The following XXYLT1 variants were observed in gnomAD, a reference collection of about 807,000 sequenced individuals.
The protein encoded by XXYLT1 is UDP-xylose:alpha-xyloside alpha-1,3-xylosyltransferase.
XXYLT1 carries 20 observed loss-of-function variants against 28.9 expected under a neutral mutation model. The ratio of observed to expected loss-of-function variants is 0.69; its 90% CI spans 0.49 to 1.00. The LOEUF (loss-of-function observed/expected upper bound fraction) is 1.00. Ranked by LOEUF, XXYLT1 falls within the 50% of genes least tolerant of loss-of-function variation. The pLI is 0.00. For synonymous variants in XXYLT1, 257 were observed against 253.8 expected (o/e 1.01, Z -0.12); for missense variants, 542 against 560.1 (o/e 0.97, Z 0.33).
chr3:195,254,103 CCCA>C, intron 1 of XXYLT1, among the ~76,000 whole-genome samples: 1 of 152,328 alleles, frequency 6.6e-6, no homozygotes, highest in East Asian at 1.9e-4. Context: ...CCCAAAGACC[CCCA>C]TAAATCAGGC....
intron 3 of XXYLT1, among the ~76,000 whole-genome samples, chr3:195,074,209 G>A (rs543219094): frequency 6.6e-6 from 1 of 152,376 alleles, no homozygotes; most frequent in South Asian, 2.1e-4. Context: ...TCTGCAGGAA[G>A]GTTCTAGAAG....
At chr3:195,259,665 G>A (rs916418794) in intron 1 of XXYLT1, 5 of 984,970 alleles carry the variant, frequency 5.1e-6, no homozygotes, top group Non-Finnish European at 6.0e-6. Flanking sequence ...CCGCAATTAA[G>A]GACGCCGGGC....
At chr3:195,265,041 G>C (rs143253299) in intron 1 of XXYLT1, among the ~76,000 whole-genome samples, 1 of 151,684 alleles carries the variant, frequency 6.6e-6, no homozygotes, top group African/African-American at 2.4e-5. Context: ...TAGCCTGCGC[G>C]GCAGACAGAA....
chr3:195,097,345 T>C (rs1228417323), intron 3 of XXYLT1, among the ~76,000 whole-genome samples: 1 of 152,244 alleles, frequency 6.6e-6, no homozygotes, highest in Non-Finnish European at 1.5e-5. Context: ...TCACTAAACT[T>C]TGTGACGCGG....
chr3:195,244,116 ACGTT>A (rs1185718949), intron 1 of XXYLT1, among the ~76,000 whole-genome samples: 1 of 152,154 alleles, frequency 6.6e-6, no homozygotes, highest in African/African-American at 2.4e-5. Flanking sequence ...CCTGCAATGA[ACGTT>A]CTAGGACTCC....
Position 195,099,601 on chromosome 3 carries a change from C to T in XXYLT1, c.786-29490G>A, listed in dbSNP as rs530134904. Among the ~76,000 whole-genome samples the T allele has an allele frequency of 5.9e-5, 9 of 152,122 alleles. No homozygotes were observed. In the East Asian group the frequency reaches 1.4e-3, roughly 23 times the overall value. Reference sequence around the variant, plus strand: ...ATTCCAGCACTTTGGGAGGCCGAGGCGGGTGGATTACGAGGTCAGAAGATC... The same window carrying T: ...ATTCCAGCACTTTGGGAGGCCGAGGTGGGTGGATTACGAGGTCAGAAGATC... On this transcript the variant is annotated intron_variant, in intron 3 of 3. Coordinates refer to ENST00000310380, the MANE Select transcript of XXYLT1 (RefSeq NM_152531.5).
At chr3:195,112,152 G>T (rs1434983699) in intron 3 of XXYLT1, among the ~76,000 whole-genome samples, 1 of 152,176 alleles carries the variant, frequency 6.6e-6, no homozygotes, top group South Asian at 2.1e-4. Flanking sequence ...ATTTCTAGCC[G>T]TCAGGAGGGC....
intron 3 of XXYLT1, among the ~76,000 whole-genome samples, chr3:195,155,417 C>T (rs946013348): frequency 5.9e-5 from 9 of 152,210 alleles, no homozygotes; most frequent in African/African-American, 2.2e-4. Flanking sequence ...GGCAGCTCTG[C>T]TCTGGGTGTG....
At chr3:195,191,268 T>A (rs556851424) in intron 2 of XXYLT1, among the ~76,000 whole-genome samples, 3 of 152,148 alleles carry the variant, frequency 2.0e-5, no homozygotes, top group Non-Finnish European at 4.4e-5. Flanking sequence ...CTGCCACCCC[T>A]CAGAAAGAAG....
chr3:195,109,742 T>TGTG (rs1717388403), intron 3 of XXYLT1, among the ~76,000 whole-genome samples: 1 of 73,902 alleles, frequency 1.4e-5, no homozygotes, highest in African/African-American at 4.1e-5. Context: ...GGTGTATGTG[T>TGTG]TCAGGTATGT....
chr3:195,188,082 G>A (rs919888190), intron 2 of XXYLT1, among the ~76,000 whole-genome samples: 1 of 152,202 alleles, frequency 6.6e-6, no homozygotes, highest in African/African-American at 2.4e-5. Context: ...CTCTGGAGAA[G>A]GACTCATCCC....
intron 3 of XXYLT1, among the ~76,000 whole-genome samples, chr3:195,102,605 C>T (rs771603413): frequency 3.9e-5 from 6 of 152,158 alleles, no homozygotes; most frequent in Non-Finnish European, 8.8e-5. Flanking sequence ...GTTTCATCCA[C>T]GCTGTGGCAA....
At chr3:195,110,157 T>TGGTGTATAAG (rs1717454406) in intron 3 of XXYLT1, among the ~76,000 whole-genome samples, 2 of 30,388 alleles carry the variant, frequency 6.6e-5, no homozygotes, top group Non-Finnish European at 1.6e-4. Flanking sequence ...TGTCTGTGTG[T>TGGTGTATAAG]TGTGTGTGGT....
chr3:195,086,815 T>C (rs901121769), intron 3 of XXYLT1, among the ~76,000 whole-genome samples: 1 of 151,950 alleles, frequency 6.6e-6, no homozygotes, highest in Non-Finnish European at 1.5e-5. Context: ...TAAGAACGGA[T>C]GCATGTAGGT....
chr3:195,233,040 C>T (rs531138454), intron 1 of XXYLT1, among the ~76,000 whole-genome samples: 1 of 152,216 alleles, frequency 6.6e-6, no homozygotes, highest in East Asian at 1.9e-4. Context: ...ATAATATTTG[C>T]TTTATATATC....
chr3:195,149,802 G>A (rs946240505), intron 3 of XXYLT1, among the ~76,000 whole-genome samples: 2 of 152,142 alleles, frequency 1.3e-5, no homozygotes, highest in Non-Finnish European at 2.9e-5. Flanking sequence ...CATAAAAACT[G>A]GTCTGTATAG....
At chr3:195,251,500 C>A (rs910965107) in intron 1 of XXYLT1, among the ~76,000 whole-genome samples, 3 of 152,200 alleles carry the variant, frequency 2.0e-5, no homozygotes, top group Admixed American at 6.5e-5. Context: ...TGTGAAGCTG[C>A]GCTGAGCACC....
At position 195,115,008 on chromosome 3, in the gene XXYLT1, C is replaced by G. The variant is rs1461675508; in HGVS notation, c.785+41441G>C. Among the ~76,000 whole-genome samples, 1 of 152,200 alleles carries G rather than the reference C, an allele frequency of 6.6e-6. No individual in the cohort carries two copies. Among genetic ancestry groups the G allele is most frequent in the African/African-American group, 2.4e-5 (1 of 41,450 alleles). On this transcript the variant is annotated intron_variant, in intron 3 of 3. Coordinates refer to ENST00000310380, the MANE Select transcript of XXYLT1 (RefSeq NM_152531.5). The surrounding 1 kb of genome is among the most constrained non-coding windows in gnomAD (Gnocchi z 4.2). Reference sequence around the variant, plus strand: ...TGCCGCAGGCCCCACCCGTTCCACTCGTCAAAATCGTACCTAGCTGAGGTT... The same window carrying G: ...TGCCGCAGGCCCCACCCGTTCCACTGGTCAAAATCGTACCTAGCTGAGGTT...
intron 2 of XXYLT1, among the ~76,000 whole-genome samples, chr3:195,157,003 G>A (rs985796639): frequency 2.6e-5 from 4 of 152,114 alleles, no homozygotes; most frequent in African/African-American, 9.7e-5. Context: ...CCAGCATTTT[G>A]GGAGGCCGAG....
Sources: gnomAD v4.1 joint callset for allele counts (sites outside exome capture counted in the v4.1 genomes callset) on GRCh38, gnomAD v4.1.1 for gene constraint, Gnocchi (gnomAD v3.1) non-coding constraint, MANE v1.5 for transcripts, NCBI Gene and HGNC (gene_info 2026-07-23, HGNC 2026-07-21) for gene names.